The following SVEP1 variants were observed in gnomAD, a reference collection of about 807,000 sequenced individuals.
SVEP1 encodes sushi, von Willebrand factor type A, EGF and pentraxin domain-containing protein 1.
A neutral mutation model predicts 367.3 loss-of-function variants in SVEP1; 164 were observed. The ratio of observed to expected loss-of-function variants is 0.45; its 90% CI spans 0.39 to 0.51. SVEP1 has a LOEUF of 0.51. Among genes scored for constraint, SVEP1 ranks in the 20% least tolerant of loss-of-function variants. The probability of loss-of-function intolerance (pLI) is 0.00; values close to 1 mark genes in which losing one functional copy is unlikely to be tolerated. For synonymous variants in SVEP1, 1,666 were observed against 1,611.6 expected (o/e 1.03, Z -0.81); for missense variants, 4,117 against 4,425.3 (o/e 0.93, Z 1.98).
chr9:110,369,298 T>C (rs10980347), intron 47 of SVEP1, among the ~76,000 whole-genome samples: 32,263 of 152,148 alleles, frequency 0.21, 3,965 homozygotes, highest in Middle Eastern at 0.35. Context: ...CTGTGATATT[T>C]ATCTGGTCAG....
rs1830215381 is a variant in SVEP1 at position 110,545,974 on chromosome 9, C to T, written c.964+141G>A. The T allele has an allele frequency of 7.5e-6, 8 of 1,060,506 alleles. No individual in the cohort carries two copies. The South Asian group carries it at 1.1e-4, about 15-fold the overall frequency. The allele number at this position is 1,060,506 out of a possible 1,614,324, so 65.7% of individuals were successfully genotyped here. ...CTGATGGCAAATAAATGAGTCAGCA[C>T]AGCTGAAGCCCCAAAGAGATGTGCC... is the stretch of plus-strand genomic sequence containing the variant. On this transcript the variant is annotated intron_variant, in intron 3 of 47. Transcript: ENST00000374469.
At chr9:110,528,816 A>G (rs1351963194) in intron 3 of SVEP1, among the ~76,000 whole-genome samples, 1 of 151,554 alleles carries the variant, frequency 6.6e-6, no homozygotes, top group African/African-American at 2.4e-5. Flanking sequence ...AAATCAATTT[A>G]TTAAAATAAA....
chr9:110,564,567 G>A lies in SVEP1; in HGVS notation c.531+14446C>T, dbSNP rs548098201. Among the ~76,000 whole-genome samples the A allele has an allele frequency of 2.6e-5, 4 of 152,144 alleles. No homozygotes were observed. In the East Asian group the frequency reaches 7.8e-4, roughly 30 times the overall value. On this transcript the variant is annotated intron_variant, in intron 1 of 47. Transcript: ENST00000374469. Reference sequence around the variant, plus strand: ...CGTGAACTTACTGTGTACTTTCTTTGTTATAGTTATCTTAAATTCATAAAA... The same window carrying A: ...CGTGAACTTACTGTGTACTTTCTTTATTATAGTTATCTTAAATTCATAAAA...
intron 25 of SVEP1, among the ~76,000 whole-genome samples, 181 bp downstream of exon 25, chr9:110,446,719 G>A (rs1828606167): frequency 6.6e-6 from 1 of 152,028 alleles, no homozygotes; most frequent in Non-Finnish European, 1.5e-5. Context: ...CATCATCTGT[G>A]CCACTGAGGA....
chr9:110,453,704 C>A (rs763443116), intron 22 of SVEP1, among the ~76,000 whole-genome samples: 5 of 151,818 alleles, frequency 3.3e-5, no homozygotes, highest in Non-Finnish European at 5.9e-5. Flanking sequence ...CCCATCTCTA[C>A]TAAAAATACA....
chr9:110,462,606 T>C (rs1490757814), intron 18 of SVEP1, among the ~76,000 whole-genome samples: 6 of 150,918 alleles, frequency 4.0e-5, no homozygotes, highest in African/African-American at 1.2e-4. Context: ...AATGAACTAG[T>C]GTCATGAGAA....
intron 6 of SVEP1, among the ~76,000 whole-genome samples, chr9:110,499,500 C>G (rs892152610): frequency 7.9e-5 from 12 of 152,128 alleles, no homozygotes; most frequent in African/African-American, 2.7e-4. Flanking sequence ...CTGATTTTGA[C>G]TTTTATCATT....
rs1315469042 is a variant in SVEP1 at position 110,459,238 on chromosome 9, A to C, written c.3323-125T>G. 3 of 820,036 alleles carry C rather than the reference A, an allele frequency of 3.7e-6. No homozygotes were observed. In the African/African-American group the frequency reaches 5.2e-5, roughly 14 times the overall value. 50.8% of individuals were successfully genotyped at this position (820,036 alleles called of 1,614,324 possible). ...TCTATATAATCTCTTCCATATATTT[A>C]ATACCCATACCATCTTATCACCCAG... is the stretch of plus-strand genomic sequence containing the variant. On this transcript the variant is annotated intron_variant, in intron 18 of 47. Coordinates refer to ENST00000374469, the MANE Select transcript of SVEP1 (RefSeq NM_153366.4).
At chr9:110,449,922 T>C in intron 24 of SVEP1, 137 bp downstream of exon 24, 2 of 1,011,160 alleles carry the variant, frequency 2.0e-6, no homozygotes, top group Non-Finnish European at 2.9e-6. Context: ...GTGGGAATAT[T>C]CAGCTGTAGC....
intron 40 of SVEP1, among the ~76,000 whole-genome samples, chr9:110,394,044 C>G (rs1023375215): frequency 6.6e-6 from 1 of 152,200 alleles, no homozygotes; most frequent in African/African-American, 2.4e-5. Context: ...GATCTGACAA[C>G]AGGCAGACTG....
intron 18 of SVEP1, among the ~76,000 whole-genome samples, chr9:110,462,667 C>T (rs1017580587): frequency 4.0e-5 from 6 of 150,932 alleles, no homozygotes; most frequent in African/African-American, 9.8e-5. Flanking sequence ...ACTAGTCTCC[C>T]GGTCAAGAAA....
chr9:110,478,684 T>G (rs1258344696), intron 13 of SVEP1, among the ~76,000 whole-genome samples: 2 of 152,240 alleles, frequency 1.3e-5, no homozygotes, highest in Non-Finnish European at 2.9e-5. Flanking sequence ...TTTTGGAATT[T>G]GGTTTTATTG....
intron 3 of SVEP1, among the ~76,000 whole-genome samples, chr9:110,525,460 A>G (rs550695891): frequency 4.8e-4 from 73 of 152,328 alleles, no homozygotes; most frequent in African/African-American, 1.5e-3. Context: ...ATGTTTGTGG[A>G]TTGGAAAGTT....
chr9:110,425,347 T>C (rs1352208249), intron 36 of SVEP1, among the ~76,000 whole-genome samples: 1 of 152,218 alleles, frequency 6.6e-6, no homozygotes, highest in East Asian at 1.9e-4. Flanking sequence ...TCATACTTCA[T>C]ATATATAACA....
chr9:110,417,067 G>A (rs1245973134), intron 36 of SVEP1, among the ~76,000 whole-genome samples: 3 of 152,034 alleles, frequency 2.0e-5, no homozygotes, highest in Non-Finnish European at 4.4e-5. Flanking sequence ...TAAGGCAACG[G>A]AATAATAGCT....
chr9:110,540,785 T>C (rs1191508524), intron 3 of SVEP1, among the ~76,000 whole-genome samples: 1 of 152,194 alleles, frequency 6.6e-6, no homozygotes, highest in Admixed American at 6.6e-5. Flanking sequence ...GTTAGGATTT[T>C]CATGACATGG....
chr9:110,496,793 C>A, intron 8 of SVEP1, 22 bp downstream of exon 8: 1 of 1,490,884 alleles, frequency 6.7e-7, no homozygotes, highest in South Asian at 1.2e-5. Context: ...GAAAAGGATG[C>A]ACATAATTGC....
intron 26 of SVEP1, among the ~76,000 whole-genome samples, 162 bp downstream of exon 26, chr9:110,445,675 G>A (rs111554698): frequency 2.0e-5 from 3 of 152,212 alleles, no homozygotes; most frequent in African/African-American, 7.2e-5. Context: ...AAAAATTTAC[G>A]TTCTTAAAGA....
intron 8 of SVEP1, among the ~76,000 whole-genome samples, chr9:110,496,519 C>T (rs1829448902): frequency 1.3e-5 from 2 of 152,180 alleles, no homozygotes; most frequent in African/African-American, 4.8e-5. Flanking sequence ...TGCCTTTGGC[C>T]ACTAACTGAA....
Sources: gnomAD v4.1 joint callset for allele counts (sites outside exome capture counted in the v4.1 genomes callset) on GRCh38, gnomAD v4.1.1 for gene constraint, MANE v1.5 for transcripts, NCBI Gene and HGNC (gene_info 2026-07-23, HGNC 2026-07-21) for gene names.